The following SWT1 variants were observed in gnomAD, a reference collection of about 807,000 sequenced individuals.
SWT1 encodes the protein transcriptional protein SWT1.
Under a neutral mutation model 107.3 loss-of-function variants are expected in SWT1, and 33 were observed. That is an observed-to-expected ratio of 0.31 (90% CI 0.23 to 0.41). SWT1 has a LOEUF of 0.41. Ranked by LOEUF, SWT1 falls within the 10% of genes least tolerant of loss-of-function variation. The pLI, the probability that SWT1 is intolerant of heterozygous loss-of-function variation, is 1.00. For synonymous variants in SWT1, 345 were observed against 348.3 expected (o/e 0.99, Z 0.11); for missense variants, 898 against 1,028.9 (o/e 0.87, Z 1.74).
Position 185,202,792 on chromosome 1 carries a change from G to C in SWT1, c.1662G>C (p.Leu554Phe). ...CHQPCIPKQQ[L>F]KAETTPLKES... ...AGCCTTGTATTCCTAAGCAACAGTT[G>C]AAAGCAGGTAGTATTTTTACTATAA... Residue 554 changes from leucine to phenylalanine, a missense_variant, in exon 11 of 19, where the codon TTG becomes TTC. Around this residue, in one of 6 missense-constraint regions of SWT1, gnomAD observed 382 missense variants for 460.0 expected, o/e 0.83. Transcript: ENST00000367500. The C allele has an allele frequency of 6.6e-7, 1 of 1,514,908 alleles. No individual in the cohort carries two copies. Among genetic ancestry groups the C allele is most frequent in the South Asian group, 1.4e-5 (1 of 71,502 alleles). 93.8% of individuals were successfully genotyped at this position (1,514,908 alleles called of 1,614,324 possible).
intron 14 of SWT1, among the ~76,000 whole-genome samples, chr1:185,215,274 A>G (rs1659128663): frequency 6.6e-6 from 1 of 151,880 alleles, no homozygotes; most frequent in Non-Finnish European, 1.5e-5. Context: ...TTTCTGAGCT[A>G]TTTGATAGTA....
chr1:185,186,758 C>A (rs1363708364), intron 9 of SWT1, among the ~76,000 whole-genome samples: 2 of 150,822 alleles, frequency 1.3e-5, no homozygotes, highest in Non-Finnish European at 3.0e-5. Context: ...TTTTTAATTA[C>A]CTTTTTTTTT....
chr1:185,191,075 T>C (rs183747614), intron 10 of SWT1, among the ~76,000 whole-genome samples: 4 of 152,270 alleles, frequency 2.6e-5, no homozygotes, highest in Admixed American at 2.6e-4. Flanking sequence ...TTTATCAGCA[T>C]TGTGACCCTG....
At chr1:185,201,948 T>G (rs554650809) in intron 10 of SWT1, among the ~76,000 whole-genome samples, 7 of 140,946 alleles carry the variant, frequency 5.0e-5, no homozygotes, top group Admixed American at 2.0e-4. Flanking sequence ...GTTAATATAT[T>G]TTTTTTTTGG....
intron 5 of SWT1, among the ~76,000 whole-genome samples, chr1:185,175,915 A>G (rs1655507717): frequency 6.6e-6 from 1 of 152,220 alleles, no homozygotes; most frequent in Non-Finnish European, 1.5e-5. Context: ...GAAAAGTATA[A>G]TACCTATCAC....
chr1:185,230,173 T>C (rs1036345287), intron 15 of SWT1, among the ~76,000 whole-genome samples: 4 of 152,256 alleles, frequency 2.6e-5, no homozygotes, highest in Admixed American at 2.0e-4. Context: ...TGCTGCTGCC[T>C]AAAGTCTACC....
At chr1:185,238,314 C>A (rs548896315) in intron 16 of SWT1, among the ~76,000 whole-genome samples, 1 of 152,172 alleles carries the variant, frequency 6.6e-6, no homozygotes, top group South Asian at 2.1e-4. Flanking sequence ...CTATCTTGAG[C>A]CTCAGTGTTC....
chr1:185,187,053 C>CTTTT (rs34634110), intron 9 of SWT1, among the ~76,000 whole-genome samples: 4 of 118,754 alleles, frequency 3.4e-5, no homozygotes, highest in Non-Finnish European at 3.3e-5. Flanking sequence ...CCGCGCCCAG[C>CTTTT]TTTTTTTTTT....
chr1:185,254,374 C>T (rs1445398921), intron 16 of SWT1, among the ~76,000 whole-genome samples: 3 of 132,934 alleles, frequency 2.3e-5, no homozygotes, highest in Non-Finnish European at 4.7e-5. Context: ...CTCCTTGTAC[C>T]TCTGGTAGAA....
At chr1:185,266,208 C>T (rs548229304) in intron 16 of SWT1, among the ~76,000 whole-genome samples, 14 of 151,628 alleles carry the variant, frequency 9.2e-5, no homozygotes, top group East Asian at 7.8e-4. Flanking sequence ...GGACTACAGG[C>T]GCCCGCCACC....
At chr1:185,284,130 GGTTA>G (rs1664810535) in intron 18 of SWT1, among the ~76,000 whole-genome samples, 1 of 151,910 alleles carries the variant, frequency 6.6e-6, no homozygotes, top group East Asian at 1.9e-4. Flanking sequence ...TTTTGGTTTT[GGTTA>G]GTTATTGCCA....
intron 9 of SWT1, among the ~76,000 whole-genome samples, chr1:185,186,970 G>A (rs1008344249): frequency 6.0e-5 from 9 of 149,914 alleles, no homozygotes; most frequent in Admixed American, 4.0e-4. Context: ...GGCCAGGCTG[G>A]TCTCTCACTC....
chr1:185,219,491 G>A (rs1195028773), intron 14 of SWT1, among the ~76,000 whole-genome samples: 1 of 152,126 alleles, frequency 6.6e-6, no homozygotes, highest in African/African-American at 2.4e-5. Context: ...TAATATGTAT[G>A]AAATTAGCAA....
At chr1:185,169,896 T>C (rs1654903653) in intron 4 of SWT1, among the ~76,000 whole-genome samples, 1 of 152,076 alleles carries the variant, frequency 6.6e-6, no homozygotes. Flanking sequence ...TTAATGATCA[T>C]GGTAAGGGAC....
intron 16 of SWT1, among the ~76,000 whole-genome samples, chr1:185,266,892 G>A (rs1046784101): frequency 1.3e-5 from 2 of 152,070 alleles, no homozygotes; most frequent in Non-Finnish European, 1.5e-5. Context: ...GTGTTTGAAC[G>A]TACATGAAAT....
At chr1:185,265,779 C>T (rs1000631592) in intron 16 of SWT1, among the ~76,000 whole-genome samples, 22 of 152,246 alleles carry the variant, frequency 1.4e-4, no homozygotes, top group African/African-American at 5.3e-4. Flanking sequence ...ATTTTGTTAT[C>T]CTCAATAACA....
intron 2 of SWT1, among the ~76,000 whole-genome samples, chr1:185,165,237 T>A (rs1654470312): frequency 6.6e-6 from 1 of 152,148 alleles, no homozygotes; most frequent in Admixed American, 6.5e-5. Flanking sequence ...ACATTAAAGA[T>A]CATTGATCAC....
At chr1:185,203,454 AC>A (rs1284457452) in intron 11 of SWT1, among the ~76,000 whole-genome samples, 1 of 152,096 alleles carries the variant, frequency 6.6e-6, no homozygotes, top group Non-Finnish European at 1.5e-5. Flanking sequence ...CCCTGTCTGT[AC>A]TAAAAATACG....
intron 15 of SWT1, among the ~76,000 whole-genome samples, chr1:185,229,834 C>T (rs1660378705): frequency 6.6e-6 from 1 of 151,778 alleles, no homozygotes; most frequent in African/African-American, 2.4e-5. Flanking sequence ...TTGGTTTTAT[C>T]TAAAAAATAG....
Sources: allele counts gnomAD v4.1 joint callset (sites outside exome capture counted in the v4.1 genomes callset), GRCh38; gene constraint gnomAD v4.1.1; regional missense constraint gnomAD v4.1.1; transcripts MANE v1.5; gene names NCBI Gene and HGNC (gene_info 2026-07-23, HGNC 2026-07-21).